The following NFIX variants were observed in gnomAD, a reference collection of about 807,000 sequenced individuals.
The protein encoded by NFIX is nuclear factor I X, also known as nuclear factor 1 X-type.
In NFIX, 2 loss-of-function variants were observed where a neutral mutation model predicts 53.3. The ratio of observed to expected loss-of-function variants is 0.04; its 90% confidence interval spans 0.02 to 0.12. NFIX has a LOEUF of 0.12. Ranked by LOEUF, NFIX falls within the 10% of genes least tolerant of loss-of-function variation. The pLI, the probability that NFIX is intolerant of heterozygous loss-of-function variation, is 1.00. For synonymous variants in NFIX, 244 were observed against 289.0 expected (o/e 0.84, Z 1.58); for missense variants, 310 against 674.5 (o/e 0.46, Z 5.99).
intron 1 of NFIX, among the ~76,000 whole-genome samples, chr19:13,015,813 C>CACACGCACAT (rs3046155): frequency 3.3e-5 from 5 of 150,676 alleles, no homozygotes; most frequent in African/African-American, 1.2e-4. Context: ...CACACACACA[C>CACACGCACAT]GCACACGCAC....
chr19:13,096,883 C>G lies in NFIX; in HGVS notation c.*2234C>G, dbSNP rs1335253927. 1 of 150,468 alleles carries G rather than the reference C, an allele frequency of 6.6e-6. No homozygotes were observed. The allele number at this position is 150,468 out of a possible 1,614,324, so 9.3% of individuals were successfully genotyped here. A position where few individuals can be genotyped will look rare whatever the true frequency, so the allele number is the denominator to read the frequency against. Reference sequence around the variant, plus strand: ...CCGGGCGGGCAGGGGGTGGGGGCTGCTCCTTTCCCAAGTGGTGTTGTGAGG... The same window carrying G: ...CCGGGCGGGCAGGGGGTGGGGGCTGGTCCTTTCCCAAGTGGTGTTGTGAGG... On this transcript the variant is annotated 3_prime_UTR_variant, in exon 11 of 11. Transcript: ENST00000592199.
At position 13,000,434 on chromosome 19, in the gene NFIX, C is replaced by A. The variant is rs1018057359; in HGVS notation, c.27+4570C>A. ...GTGGACTGCCTGGAGGAGGAGGAGG[C>A]AAGAGGAGAGTTTGGAAGGATGAGA... On this transcript the variant is annotated intron_variant, in intron 1 of 10. Coordinates refer to ENST00000592199, the MANE Select transcript of NFIX (RefSeq NM_001365902.3). 2.0e-5 allele frequency among the ~76,000 whole-genome samples: 3 copies of A among 151,522 alleles called. No individual in the cohort carries two copies. The East Asian group carries it at 5.8e-4, about 29-fold the overall frequency.
intron 8 of NFIX, among the ~76,000 whole-genome samples, chr19:13,087,774 C>CAAAAAAAAAAAAAAAAAAAAAAAA (rs1157966190): frequency 3.8e-5 from 1 of 26,392 alleles, no homozygotes; most frequent in African/African-American, 1.8e-4. Flanking sequence ...AAAAGAGGAC[C>CAAAAAAAAAAAAAAAAAAAAAAAA]AAAAAAAAAA....
Position 13,073,999 on chromosome 19 carries a change from G to A in NFIX, c.791G>A (p.Arg264Gln), listed in dbSNP as rs1256133151. ...ATCAACCAGGTGACCCTGGGGCGGC[G>A]GTCCATCACCTCCCCTCCTTCCACC... is the stretch of plus-strand genomic sequence containing the variant. ...YNINQVTLGR[R>Q]SITSPPSTST... The change falls in exon 5 of 11, where the codon CGG becomes CAG. Residue 264 changes from arginine (R) to glutamine (Q), a missense_variant. Arg to Gln is a conservative substitution (Grantham distance 43). This residue lies in a region of NFIX where 164 missense variants were observed against 284.4 expected (regional missense o/e 0.58). Transcript: ENST00000592199. This position sits in a 1 kb window ranked among gnomAD's most constrained non-coding sequence, Gnocchi z 4.5. 1.9e-6 allele frequency: 3 copies of A among 1,613,830 alleles called. No homozygotes were observed. The highest frequency in any genetic ancestry group is 2.5e-6 in the Non-Finnish European group (3 of 1,179,890).
At chr19:13,065,738 T>G (rs1209610334) in intron 2 of NFIX, among the ~76,000 whole-genome samples, 1 of 152,130 alleles carries the variant, frequency 6.6e-6, no homozygotes, top group Non-Finnish European at 1.5e-5. Context: ...CCTCCTGGCT[T>G]CTTCTGCCGC....
At chr19:13,082,153 A>G (rs1273167580) in intron 8 of NFIX, 1 of 393,882 alleles carries the variant, frequency 2.5e-6, no homozygotes, top group African/African-American at 2.0e-5. Context: ...TGAACTCATG[A>G]TGATCCAACC....
Position 13,002,479 on chromosome 19 carries a change from A to G in NFIX, c.27+6615A>G, listed in dbSNP as rs1021008406. Among the ~76,000 whole-genome samples the G allele has an allele frequency of 1.3e-5, 2 of 151,658 alleles. No homozygotes were observed. The highest frequency in any genetic ancestry group is 2.9e-5 in the Non-Finnish European group (2 of 67,882). On this transcript the variant is annotated intron_variant, in intron 1 of 10. Coordinates refer to ENST00000592199, the MANE Select transcript of NFIX (RefSeq NM_001365902.3). The surrounding 1 kb of genome is among the most constrained non-coding windows in gnomAD (Gnocchi z 6.1). ...TGAGTGGGCTTGGCCAGGGGGGCAC[A>G]GGCCTGGCGGGTGAGGGAACAGGGT...
chr19:13,041,229 ATGT>A (rs1186680101), intron 2 of NFIX, among the ~76,000 whole-genome samples: 2 of 152,268 alleles, frequency 1.3e-5, no homozygotes, highest in African/African-American at 4.8e-5. Flanking sequence ...TCAGCTGATT[ATGT>A]TGTTCTATGA....
chr19:13,034,265 A>T (rs1365683592), intron 2 of NFIX, among the ~76,000 whole-genome samples: 1 of 152,166 alleles, frequency 6.6e-6, no homozygotes, highest in African/African-American at 2.4e-5. Context: ...CCAGTGGCTG[A>T]GTATGTGGGG....
At chr19:13,092,015 G>A (rs1267560321) in intron 10 of NFIX, among the ~76,000 whole-genome samples, 1 of 152,204 alleles carries the variant, frequency 6.6e-6, no homozygotes, top group African/African-American at 2.4e-5. Flanking sequence ...GGGGTCCAGG[G>A]CCCCTGAGCA....
In NFIX at chr19:13,066,045, G is replaced by A. The variant is rs551142479; in HGVS notation, c.560-7002G>A. 6.6e-6 allele frequency among the ~76,000 whole-genome samples: 1 copy of A among 152,312 alleles called. No individual in the cohort carries two copies. The highest frequency in any genetic ancestry group is 2.4e-5 in the African/African-American group (1 of 41,560). On this transcript the variant is annotated intron_variant, in intron 2 of 10. Transcript: ENST00000592199. This position sits in a 1 kb window ranked among gnomAD's most constrained non-coding sequence, Gnocchi z 4.2. ...GGAGTGGAGGCAACCAAGGACTGTA[G>A]GAGACAGGCCTTCTTCACCTCGACA...
intron 2 of NFIX, among the ~76,000 whole-genome samples, chr19:13,029,148 G>C (rs868200807): frequency 6.6e-6 from 1 of 152,026 alleles, no homozygotes; most frequent in South Asian, 2.1e-4. Context: ...GCCAGCAATC[G>C]CCAGATCACG....
At position 12,998,714 on chromosome 19, in the gene NFIX, C is replaced by G. The variant is rs889986516; in HGVS notation, c.27+2850C>G. 1.3e-5 allele frequency among the ~76,000 whole-genome samples: 2 copies of G among 152,156 alleles called. No individual in the cohort carries two copies. The highest frequency in any genetic ancestry group is 6.5e-5 in the Admixed American group (1 of 15,280). On this transcript the variant is annotated intron_variant, in intron 1 of 10. Transcript: ENST00000592199. The surrounding 1 kb of genome is among the most constrained non-coding windows in gnomAD (Gnocchi z 4.4). ...TAAGTGTCCTGTTCACACCGATGTC[C>G]AGACCCACGACCATCGACGAGCCTA...
intron 2 of NFIX, among the ~76,000 whole-genome samples, chr19:13,065,123 G>A (rs563758950): frequency 2.0e-5 from 3 of 152,028 alleles, no homozygotes; most frequent in African/African-American, 4.8e-5. Context: ...TGCCCCCTTC[G>A]GCCCCTCTGT....
intron 2 of NFIX, chr19:13,070,441 C>T (rs1182458652): frequency 6.6e-6 from 1 of 152,624 alleles, no homozygotes; most frequent in Non-Finnish European, 1.5e-5. Context: ...GCTCCTTTCA[C>T]TGTGCTGGCC....
Position 13,046,540 on chromosome 19 carries a change from T to C in NFIX, c.559+20988T>C, listed in dbSNP as rs1599780157. Among the ~76,000 whole-genome samples the C allele has an allele frequency of 2.6e-5, 4 of 152,288 alleles. No homozygotes were observed. The Middle Eastern group carries it at 0.014, about 518-fold the overall frequency. On this transcript the variant is annotated intron_variant, in intron 2 of 10. Coordinates refer to ENST00000592199, the MANE Select transcript of NFIX (RefSeq NM_001365902.3). ...CTTCTTTTTCCTTGCATACACTCTTTTTCTTCCCTTTCCCGTTCCTGGGGC... is the reference window on the plus strand; with the variant it reads ...CTTCTTTTTCCTTGCATACACTCTTCTTCTTCCCTTTCCCGTTCCTGGGGC...
chr19:13,030,255 GGTGTCACT>G (rs1250857082), intron 2 of NFIX, among the ~76,000 whole-genome samples: 4 of 152,210 alleles, frequency 2.6e-5, no homozygotes, highest in African/African-American at 9.7e-5. Context: ...TCCCAGAAGA[GGTGTCACT>G]GTCATTCAAA....
At chr19:13,023,622 A>AT (rs953938501) in intron 1 of NFIX, among the ~76,000 whole-genome samples, 1 of 119,032 alleles carries the variant, frequency 8.4e-6, no homozygotes, top group Non-Finnish European at 1.8e-5. Flanking sequence ...TAAATTTTGC[A>AT]TTTTTTTCTT....
chr19:13,018,342 G>T (rs1004424739), intron 1 of NFIX, among the ~76,000 whole-genome samples: 6 of 117,900 alleles, frequency 5.1e-5, no homozygotes, highest in Middle Eastern at 3.6e-3. Flanking sequence ...GGGCGGGGGG[G>T]GGGGGGGGGC....
Sources: gnomAD v4.1 joint callset for allele counts (sites outside exome capture counted in the v4.1 genomes callset) on GRCh38, gnomAD v4.1.1 for gene constraint, gnomAD v4.1.1 regional missense constraint, Gnocchi (gnomAD v3.1) non-coding constraint, MANE v1.5 for transcripts, NCBI Gene and HGNC (gene_info 2026-07-23, HGNC 2026-07-21) for gene names.